PDZRN4: variants seen among roughly 807,000 people sequenced by gnomAD.
PDZRN4 encodes PDZ domain-containing RING finger protein 4.
PDZRN4 carries 70 observed loss-of-function variants against 99.0 expected under a neutral mutation model. That is an observed-to-expected ratio of 0.71 (90% CI 0.58 to 0.86). The LOEUF (loss-of-function observed/expected upper bound fraction) is 0.86. Among genes scored for constraint, PDZRN4 ranks in the 40% least tolerant of loss-of-function variants. PDZRN4 has a pLI of 0.00. For missense variants in PDZRN4, 1,474 were observed against 1,331.2 expected, an observed-to-expected ratio of 1.11 and a Z score of -1.67; for synonymous variants, 551 against 501.6, an observed-to-expected ratio of 1.10 and a Z score of -1.32.
At chr12:41,322,182 C>T (rs1246344598) in intron 3 of PDZRN4, among the ~76,000 whole-genome samples, 1 of 152,030 alleles carries the variant, frequency 6.6e-6, no homozygotes. Flanking sequence ...CAGGAACGTG[C>T]CACCACACCC....
intron 3 of PDZRN4, among the ~76,000 whole-genome samples, chr12:41,346,574 T>C (rs919626312): frequency 1.3e-5 from 2 of 152,162 alleles, no homozygotes; most frequent in Non-Finnish European, 2.9e-5. Context: ...GCATTATTTT[T>C]TAGTGCTCTA....
intron 3 of PDZRN4, among the ~76,000 whole-genome samples, chr12:41,448,917 C>A (rs1264896139): frequency 6.6e-6 from 1 of 152,084 alleles, no homozygotes; most frequent in Non-Finnish European, 1.5e-5. Context: ...CATTGCTTTT[C>A]TCCAAAAACA....
At chr12:41,323,669 A>G (rs931809097) in intron 3 of PDZRN4, among the ~76,000 whole-genome samples, 3 of 151,950 alleles carry the variant, frequency 2.0e-5, no homozygotes, top group Non-Finnish European at 2.9e-5. Context: ...ATTATCCAAA[A>G]AGTATGTCAC....
intron 3 of PDZRN4, among the ~76,000 whole-genome samples, chr12:41,260,224 T>G (rs1383401970): frequency 6.6e-6 from 1 of 152,182 alleles, no homozygotes; most frequent in Non-Finnish European, 1.5e-5. Context: ...TTTTATTTTT[T>G]GACTTACGTA....
chr12:41,357,655 T>G (rs1027777459), intron 3 of PDZRN4, among the ~76,000 whole-genome samples: 3 of 152,016 alleles, frequency 2.0e-5, no homozygotes, highest in African/African-American at 7.2e-5. Flanking sequence ...CTGTACCTAG[T>G]ATTTAATGAG....
chr12:41,235,559 A>G (rs972104637), intron 3 of PDZRN4, among the ~76,000 whole-genome samples: 11 of 152,176 alleles, frequency 7.2e-5, no homozygotes, highest in African/African-American at 2.7e-4. Context: ...ATTTTGGGGA[A>G]CTAGACACAT....
At chr12:41,568,006 T>C (rs111343249) in intron 9 of PDZRN4, 107 bp downstream of exon 9, 1 of 651,242 alleles carries the variant, frequency 1.5e-6, no homozygotes, top group South Asian at 2.0e-5. Flanking sequence ...TAATCCATCA[T>C]CTCTATCATG....
intron 3 of PDZRN4, among the ~76,000 whole-genome samples, chr12:41,371,415 G>C (rs193104219): frequency 6.6e-6 from 1 of 151,892 alleles, no homozygotes; most frequent in Non-Finnish European, 1.5e-5. Context: ...TTCTGAGTCA[G>C]TGATTGAATT....
At chr12:41,271,825 A>C (rs991266396) in intron 3 of PDZRN4, among the ~76,000 whole-genome samples, 3 of 152,110 alleles carry the variant, frequency 2.0e-5, no homozygotes, top group Admixed American at 6.6e-5. Context: ...ATTGCATTGA[A>C]AACAAATACA....
At chr12:41,235,063 C>T (rs1473318334) in intron 3 of PDZRN4, among the ~76,000 whole-genome samples, 2 of 152,110 alleles carry the variant, frequency 1.3e-5, no homozygotes, top group African/African-American at 4.8e-5. Flanking sequence ...AAACACCTTT[C>T]AGAGCATTGA....
intron 3 of PDZRN4, among the ~76,000 whole-genome samples, chr12:41,431,362 G>C (rs1405865944): frequency 2.0e-5 from 3 of 152,136 alleles, no homozygotes; most frequent in Non-Finnish European, 4.4e-5. Context: ...AAGAAACAGA[G>C]AAGATTGAAA....
chr12:41,452,692 A>T (rs1322118199), intron 3 of PDZRN4, among the ~76,000 whole-genome samples: 1 of 152,166 alleles, frequency 6.6e-6, no homozygotes, highest in Non-Finnish European at 1.5e-5. Context: ...TTAATTTAAA[A>T]TTTTAAATAA....
At chr12:41,227,491 C>A (rs1951002308) in intron 3 of PDZRN4, among the ~76,000 whole-genome samples, 1 of 151,846 alleles carries the variant, frequency 6.6e-6, no homozygotes, top group South Asian at 2.1e-4. Context: ...ATGGCAAAAC[C>A]CCATCTCTAC....
At chr12:41,458,332 T>C (rs1242785136) in intron 3 of PDZRN4, among the ~76,000 whole-genome samples, 1 of 152,162 alleles carries the variant, frequency 6.6e-6, no homozygotes, top group Non-Finnish European at 1.5e-5. Flanking sequence ...TAATTTTGTA[T>C]TTTTGGTAGA....
chr12:41,504,522 A>T (rs1938170471), intron 3 of PDZRN4, among the ~76,000 whole-genome samples: 1 of 152,158 alleles, frequency 6.6e-6, no homozygotes, highest in Admixed American at 6.6e-5. Flanking sequence ...CACAATATGA[A>T]ACATATGGGA....
intron 3 of PDZRN4, among the ~76,000 whole-genome samples, chr12:41,236,137 G>A (rs964483579): frequency 6.6e-6 from 1 of 152,050 alleles, no homozygotes; most frequent in Non-Finnish European, 1.5e-5. Context: ...GCAATCTAGT[G>A]AATAAGAAAG....
intron 3 of PDZRN4, among the ~76,000 whole-genome samples, chr12:41,367,221 T>C (rs1952007345): frequency 6.6e-6 from 1 of 152,066 alleles, no homozygotes; most frequent in Admixed American, 6.6e-5. Flanking sequence ...AGAAATGTTA[T>C]GTTTCCAGCC....
intron 3 of PDZRN4, among the ~76,000 whole-genome samples, chr12:41,343,284 G>A (rs993104661): frequency 2.0e-5 from 3 of 151,920 alleles, no homozygotes; most frequent in Non-Finnish European, 4.4e-5. Context: ...CGTGGTATTG[G>A]TAGTAATATC....
At chr12:41,555,502 T>C (rs539687350) in intron 6 of PDZRN4, among the ~76,000 whole-genome samples, 196 bp from the exon 7 acceptor site, 2 of 152,196 alleles carry the variant, frequency 1.3e-5, no homozygotes, top group South Asian at 4.1e-4. Context: ...ACAATTTTAT[T>C]CATGTTCATT....
Sources: allele counts gnomAD v4.1 joint callset (sites outside exome capture counted in the v4.1 genomes callset), GRCh38; gene constraint gnomAD v4.1.1; transcripts MANE v1.5; gene names NCBI Gene and HGNC (gene_info 2026-07-23, HGNC 2026-07-21).